UNC5D: variants seen among roughly 807,000 people sequenced by gnomAD.
UNC5D encodes the protein netrin receptor UNC5D.
Under a neutral mutation model 105.4 loss-of-function variants are expected in UNC5D, and 39 were observed. The ratio of observed to expected loss-of-function variants is 0.37; its 90% CI spans 0.29 to 0.48. UNC5D has a LOEUF of 0.48. Ranked by LOEUF, UNC5D falls within the 20% of genes least tolerant of loss-of-function variation. The pLI is 0.98. For synonymous variants in UNC5D, 452 were observed against 450.4 expected, an observed-to-expected ratio of 1.00 and a Z score of -0.04; for missense variants, 991 against 1,202.4, an observed-to-expected ratio of 0.82 and a Z score of 2.60.
chr8:35,448,844 A>G (rs977774628), intron 1 of UNC5D, among the ~76,000 whole-genome samples: 1 of 152,120 alleles, frequency 6.6e-6, no homozygotes, highest in Non-Finnish European at 1.5e-5. Context: ...GCTCCCACTT[A>G]TAAGTGAGAA....
chr8:35,773,719 ATTTTG>A (rs1802107644), intron 15 of UNC5D, among the ~76,000 whole-genome samples: 1 of 149,042 alleles, frequency 6.7e-6, no homozygotes, highest in Admixed American at 6.6e-5. Flanking sequence ...ACAGTTTGTT[ATTTTG>A]TTTTGTTTTT....
chr8:35,769,779 A>T (rs1437500063), intron 15 of UNC5D, among the ~76,000 whole-genome samples: 1 of 152,068 alleles, frequency 6.6e-6, no homozygotes, highest in East Asian at 1.9e-4. Flanking sequence ...CCTGGCTAAC[A>T]CATGAAACCC....
At chr8:35,745,399 GA>G (rs1241075565) in intron 11 of UNC5D, among the ~76,000 whole-genome samples, 2 of 152,138 alleles carry the variant, frequency 1.3e-5, no homozygotes, top group African/African-American at 2.4e-5. Flanking sequence ...TTTTTAGTAG[GA>G]TGACTGAGGT....
chr8:35,435,783 A>G (rs1447642592), intron 1 of UNC5D, among the ~76,000 whole-genome samples: 1 of 152,078 alleles, frequency 6.6e-6, no homozygotes, highest in Non-Finnish European at 1.5e-5. Flanking sequence ...CATGGAAGCT[A>G]TAAATAGTGT....
intron 1 of UNC5D, among the ~76,000 whole-genome samples, chr8:35,252,701 TG>T (rs1803792487): frequency 1.3e-5 from 2 of 152,208 alleles, no homozygotes; most frequent in African/African-American, 4.8e-5. Context: ...TTTTCTAGCA[TG>T]AAAAATGCTA....
Position 35,790,492 on chromosome 8 carries a change from A to C in UNC5D, c.2791A>C (p.Lys931Gln). ...ALEEIGRTHTKLSNISESQLD... is the reference protein window; with the variant it reads ...ALEEIGRTHTQLSNISESQLD... ...TGAAGAGATTGGGAGGACACACACG[A>C]AACTCTCAAACATTTCAGAATCCCA... Residue 931 changes from lysine (K) to glutamine (Q), a missense_variant, in exon 17 of 17, where the codon AAA (lysine) becomes CAA (glutamine). Transcript: ENST00000404895. 1 of 1,613,952 alleles carries C rather than the reference A, an allele frequency of 6.2e-7. No homozygotes were observed. The highest frequency in any genetic ancestry group is 8.5e-7 in the Non-Finnish European group (1 of 1,179,878).
chr8:35,615,039 C>CG (rs1820937519), intron 4 of UNC5D, among the ~76,000 whole-genome samples: 1 of 76,022 alleles, frequency 1.3e-5, no homozygotes, highest in Non-Finnish European at 2.7e-5. Flanking sequence ...GTGAGGGGCC[C>CG]CCCCCCCCCC....
intron 1 of UNC5D, among the ~76,000 whole-genome samples, chr8:35,295,145 A>G (rs546453781): frequency 6.6e-6 from 1 of 152,320 alleles, no homozygotes; most frequent in South Asian, 2.1e-4. Context: ...GTTATGATTT[A>G]ATACTGTACC....
At chr8:35,499,810 G>A (rs1244528663) in intron 1 of UNC5D, among the ~76,000 whole-genome samples, 1 of 152,154 alleles carries the variant, frequency 6.6e-6, no homozygotes, top group Admixed American at 6.5e-5. Context: ...CTCAGCTATT[G>A]CTCATTAGTT....
At chr8:35,594,818 ATGCTCTCTG>A (rs1819387013) in intron 3 of UNC5D, among the ~76,000 whole-genome samples, 1 of 152,140 alleles carries the variant, frequency 6.6e-6, no homozygotes, top group Non-Finnish European at 1.5e-5. Flanking sequence ...ACTGGCATCG[ATGCTCTCTG>A]TGACCACTGG....
At chr8:35,551,475 A>G (rs1382265774) in intron 2 of UNC5D, among the ~76,000 whole-genome samples, 1 of 152,154 alleles carries the variant, frequency 6.6e-6, no homozygotes, top group African/African-American at 2.4e-5. Context: ...GTAGACCTAG[A>G]GATATACCTC....
At chr8:35,325,783 G>A (rs1378710776) in intron 1 of UNC5D, among the ~76,000 whole-genome samples, 1 of 152,084 alleles carries the variant, frequency 6.6e-6, no homozygotes. Context: ...AAGGGGGAAT[G>A]GAAAAGGATG....
chr8:35,288,250 G>T (rs911159616), intron 1 of UNC5D, among the ~76,000 whole-genome samples: 3 of 152,108 alleles, frequency 2.0e-5, no homozygotes, highest in Non-Finnish European at 4.4e-5. Flanking sequence ...ACATCTTTCA[G>T]CTTATTTCTC....
In UNC5D at chr8:35,370,041, T is replaced by A. The variant is rs543727564; in HGVS notation, c.103+134154T>A. Among the ~76,000 whole-genome samples the A allele has an allele frequency of 5.9e-5, 9 of 152,334 alleles. 1 individual carries two copies. The South Asian group carries it at 1.9e-3, about 32-fold the overall frequency. On this transcript the variant is annotated intron_variant, in intron 1 of 16. Transcript: ENST00000404895. Reference sequence around the variant, plus strand: ...TTCTTTTCTTCATGTTTCTTATAACTTGAGGCCAAGTTGGTGATAGACTTT... The same window carrying A: ...TTCTTTTCTTCATGTTTCTTATAACATGAGGCCAAGTTGGTGATAGACTTT...
In UNC5D at chr8:35,440,972, G is replaced by C. The variant is rs1008893687; in HGVS notation, c.104-108320G>C. Among the ~76,000 whole-genome samples the C allele has an allele frequency of 2.6e-5, 4 of 151,954 alleles. No individual in the cohort carries two copies. The East Asian group carries it at 7.7e-4, about 29-fold the overall frequency. On this transcript the variant is annotated intron_variant, in intron 1 of 16. Transcript: ENST00000404895. ...TATCTACTCTTTTGAGCGAGATTTA[G>C]TAAGAGTCTGCATTTTATATGTTTT...
chr8:35,502,395 A>G (rs1457109247), intron 1 of UNC5D, among the ~76,000 whole-genome samples: 1 of 152,348 alleles, frequency 6.6e-6, no homozygotes, highest in African/African-American at 2.4e-5. Context: ...CAGGACTGCC[A>G]TTACCATCCT....
At chr8:35,330,103 G>A (rs1190665804) in intron 1 of UNC5D, among the ~76,000 whole-genome samples, 4 of 152,150 alleles carry the variant, frequency 2.6e-5, no homozygotes, top group Admixed American at 6.6e-5. Context: ...TAAGTAATTT[G>A]TTCAAAGGCA....
At chr8:35,537,124 C>G (rs1814902660) in intron 1 of UNC5D, among the ~76,000 whole-genome samples, 1 of 152,076 alleles carries the variant, frequency 6.6e-6, no homozygotes, top group African/African-American at 2.4e-5. Context: ...GAGCCACATT[C>G]TCCTTAAAAC....
At chr8:35,657,104 A>ATATATATC (rs1563637949) in intron 4 of UNC5D, among the ~76,000 whole-genome samples, 1 of 115,788 alleles carries the variant, frequency 8.6e-6, no homozygotes, top group Non-Finnish European at 1.9e-5. Context: ...ATATATATAT[A>ATATATATC]TATATATATA....
Sources: allele counts gnomAD v4.1 joint callset (sites outside exome capture counted in the v4.1 genomes callset), GRCh38; gene constraint gnomAD v4.1.1; transcripts MANE v1.5; gene names NCBI Gene and HGNC (gene_info 2026-07-23, HGNC 2026-07-21).